Variants in LINGO2 observed in about 807,000 individuals in gnomAD.
LINGO2 encodes leucine-rich repeat and immunoglobulin-like domain-containing nogo receptor-interacting protein 2.
Under a neutral mutation model 30.6 loss-of-function variants are expected in LINGO2, and 14 were observed. That is an observed-to-expected ratio of 0.46 (90% confidence interval 0.30 to 0.72). The LOEUF (loss-of-function observed/expected upper bound fraction) is 0.72. Among genes scored for constraint, LINGO2 ranks in the 30% least tolerant of loss-of-function variants. LINGO2 has a pLI of 0.07. For synonymous variants in LINGO2, 317 were observed against 288.5 expected (o/e 1.10, Z -1.00); for missense variants, 729 against 751.7 (o/e 0.97, Z 0.35).
intron 1 of LINGO2, among the ~76,000 whole-genome samples, chr9:28,654,673 T>G (rs976879480): frequency 6.6e-6 from 1 of 152,108 alleles, no homozygotes; most frequent in African/African-American, 2.4e-5. Context: ...CCTCATAGCT[T>G]TTGAAGAGGC....
At chr9:29,018,799 T>G in the LINGO2 span, among the ~76,000 whole-genome samples, 38 of 152,316 alleles carry the variant, frequency 2.5e-4, no homozygotes, top group South Asian at 2.9e-3. Flanking sequence ...TACTAAAAGA[T>G]ATCTCAAGCA....
chr9:28,053,367 T>G (rs954902370), intron 4 of LINGO2, among the ~76,000 whole-genome samples: 4 of 151,756 alleles, frequency 2.6e-5, no homozygotes, highest in African/African-American at 9.7e-5. Flanking sequence ...AAAACTAGAA[T>G]GCTAAGCAGA....
At chr9:28,974,942 T>C in the LINGO2 span, among the ~76,000 whole-genome samples, 1 of 152,140 alleles carries the variant, frequency 6.6e-6, no homozygotes, top group Non-Finnish European at 1.5e-5. Context: ...TTTCTTGGAC[T>C]GTATTGCTTG....
intron 5 of LINGO2, among the ~76,000 whole-genome samples, chr9:27,958,100 C>A (rs376362325): frequency 1.3e-5 from 2 of 152,068 alleles, no homozygotes; most frequent in African/African-American, 2.4e-5. Flanking sequence ...TCATAGATGA[C>A]CTTCATTAAG....
the LINGO2 span, among the ~76,000 whole-genome samples, chr9:28,939,274 T>C: frequency 0.74 from 112,363 of 152,004 alleles, 41,678 homozygotes; most frequent in Non-Finnish European, 0.78. Flanking sequence ...CCCTCAAAAA[T>C]CTACTATTCC....
intron 4 of LINGO2, among the ~76,000 whole-genome samples, chr9:28,117,681 C>T (rs1222268982): frequency 2.9e-5 from 4 of 135,608 alleles, no homozygotes; most frequent in East Asian, 2.1e-4. Flanking sequence ...TTTCCAGGTG[C>T]GTCCGTCACC....
At chr9:29,030,080 C>G in the LINGO2 span, among the ~76,000 whole-genome samples, 62 of 152,068 alleles carry the variant, frequency 4.1e-4, no homozygotes, top group South Asian at 0.012. Flanking sequence ...TGAAAGATTG[C>G]TGGGTGTTCT....
the LINGO2 span, among the ~76,000 whole-genome samples, chr9:28,909,682 C>T: frequency 9.2e-5 from 14 of 151,966 alleles, no homozygotes; most frequent in African/African-American, 3.4e-4. Context: ...ACATTCATTT[C>T]CTGTCAACTT....
chr9:28,107,251 A>G (rs1010535469), intron 4 of LINGO2, among the ~76,000 whole-genome samples: 4 of 152,198 alleles, frequency 2.6e-5, no homozygotes, highest in Non-Finnish European at 5.9e-5. Flanking sequence ...GAGGGCAGAA[A>G]TCATATTTGT....
chr9:28,428,751 T>G (rs1194825432), intron 2 of LINGO2, among the ~76,000 whole-genome samples: 1 of 152,142 alleles, frequency 6.6e-6, no homozygotes, highest in African/African-American at 2.4e-5. Flanking sequence ...ACACCTGGAT[T>G]TGAAACTGCC....
the LINGO2 span, among the ~76,000 whole-genome samples, chr9:28,830,939 A>C: frequency 6.6e-6 from 1 of 152,222 alleles, no homozygotes; most frequent in African/African-American, 2.4e-5. Flanking sequence ...CGTAATACAG[A>C]GAACAAGGCC....
the LINGO2 span, among the ~76,000 whole-genome samples, chr9:29,059,428 T>C: frequency 6.7e-6 from 1 of 149,934 alleles, no homozygotes; most frequent in African/African-American, 2.4e-5. Flanking sequence ...AATAAATAAA[T>C]AAATAAATAA....
chr9:28,077,129 G>A (rs551238796), intron 4 of LINGO2, among the ~76,000 whole-genome samples: 14 of 151,968 alleles, frequency 9.2e-5, no homozygotes, highest in African/African-American at 2.9e-4. Context: ...ACATTTTGGC[G>A]ATGTGAACAT....
chr9:28,995,014 C>A, the LINGO2 span, among the ~76,000 whole-genome samples: 5 of 151,896 alleles, frequency 3.3e-5, no homozygotes, highest in African/African-American at 7.3e-5. Flanking sequence ...CCAAAATTGA[C>A]AAATGGGATC....
intron 4 of LINGO2, among the ~76,000 whole-genome samples, chr9:28,075,985 A>T (rs1825611909): frequency 6.6e-6 from 1 of 151,950 alleles, no homozygotes; most frequent in Non-Finnish European, 1.5e-5. Context: ...TCCCATATAG[A>T]TTAACAATTA....
At chr9:27,946,074 A>G (rs1019585692), downstream of LINGO2, among the ~76,000 whole-genome samples, 2 of 152,148 alleles carry the variant, frequency 1.3e-5, no homozygotes, top group Admixed American at 6.6e-5. Flanking sequence ...AAGTAGACCA[A>G]CCGGGGTTCT....
intron 4 of LINGO2, among the ~76,000 whole-genome samples, chr9:28,266,349 T>C (rs1198006440): frequency 6.6e-6 from 1 of 151,998 alleles, no homozygotes. Flanking sequence ...GTTACAATTT[T>C]CAAGTGAGCT....
At chr9:28,187,147 G>A (rs148168868) in intron 4 of LINGO2, among the ~76,000 whole-genome samples, 1 of 152,068 alleles carries the variant, frequency 6.6e-6, no homozygotes, top group South Asian at 2.1e-4. Context: ...GAAAATGTGG[G>A]TATATTTTAA....
intron 1 of LINGO2, among the ~76,000 whole-genome samples, chr9:28,552,055 C>G (rs757326846): frequency 6.6e-6 from 1 of 151,908 alleles, no homozygotes; most frequent in African/African-American, 2.4e-5. Context: ...TAGTAATAAT[C>G]GCTAACTGTC....
Sources: allele counts gnomAD v4.1 joint callset (sites outside exome capture counted in the v4.1 genomes callset), GRCh38; gene constraint gnomAD v4.1.1; transcripts MANE v1.5; gene names NCBI Gene and HGNC (gene_info 2026-07-23, HGNC 2026-07-21).